Variants in TACC2 observed in about 807,000 individuals in gnomAD.
TACC2 encodes transforming acidic coiled-coil-containing protein 2.
Under a neutral mutation model 227.3 loss-of-function variants are expected in TACC2, and 137 were observed. That is an observed-to-expected ratio of 0.60 (90% CI 0.52 to 0.69). TACC2 has a LOEUF of 0.69. Ranked by LOEUF, TACC2 falls within the 30% of genes least tolerant of loss-of-function variation. The probability of loss-of-function intolerance (pLI) is 0.00; values close to 1 mark genes in which losing one functional copy is unlikely to be tolerated. For missense variants in TACC2, 3,470 were observed against 3,694.4 expected (o/e 0.94, Z 1.57); for synonymous variants, 1,523 against 1,487.5 (o/e 1.02, Z -0.55).
rs200785553 is a variant in TACC2 at position 122,085,906 on chromosome 10, G to A, written c.3406G>A (p.Ala1136Thr). The change falls in exon 4 of 23, where the codon GCT becomes ACT. Residue 1136 changes from alanine to threonine, a missense_variant. Coordinates refer to ENST00000369005, the MANE Select transcript of TACC2 (RefSeq NM_206862.4). ...CGGGGCTGCTGAGACTGGTGGCAGC[G>A]CTGGTGCAGGAGACCCAGGAAAGCA... is the stretch of plus-strand genomic sequence containing the variant. ...EAGAAETGGSAGAGDPGKQQA... is the reference protein window; with the variant it reads ...EAGAAETGGSTGAGDPGKQQA... The A allele has an allele frequency of 1.5e-4, 236 of 1,613,190 alleles. No homozygotes were observed. The highest frequency in any genetic ancestry group is 1.0e-3 in the Admixed American group (60 of 59,944).
In TACC2 at chr10:122,050,784, T is replaced by TA. The variant is rs1228399223; in HGVS notation, c.146+235dup. 1.9e-6 allele frequency: 1 copy of TA among 517,510 alleles called. No homozygotes were observed. Among genetic ancestry groups the TA allele is most frequent in the Admixed American group, 3.5e-5 (1 of 28,774 alleles). 32.1% of individuals were successfully genotyped at this position (517,510 alleles called of 1,614,324 possible). Reference sequence around the variant, plus strand: ...TGCCCAAAGATGAAATTAGTAATTATAGACTTCCATTCCAGCCACACTCCA... The same window carrying TA: ...TGCCCAAAGATGAAATTAGTAATTATAAGACTTCCATTCCAGCCACACTCCA... On this transcript the variant is annotated intron_variant, in intron 3 of 22. Transcript: ENST00000369005. The surrounding 1 kb of genome is among the most constrained non-coding windows in gnomAD (Gnocchi z 4.6).
At chr10:122,228,634 C>A (rs2095673874) in intron 14 of TACC2, among the ~76,000 whole-genome samples, 1 of 152,140 alleles carries the variant, frequency 6.6e-6, no homozygotes, top group Non-Finnish European at 1.5e-5. Context: ...ACCTCCCGCC[C>A]AGCAATCCCC....
rs748323062 is a variant in TACC2, at chr10:122,132,747, C to T, written c.5699+13C>T. On this transcript the variant is annotated intron_variant, in intron 6 of 22. Transcript: ENST00000369005. The stretch of plus-strand genomic sequence containing the variant: ...TGATAGCCCAGAGGTACGGTGGGGG[C>T]CCTGGAGCTGGTGATGAGACCTCAG... The T allele has an allele frequency of 1.2e-6, 2 of 1,613,646 alleles. No individual in the cohort carries two copies. Among genetic ancestry groups the T allele is most frequent in the East Asian group, 2.2e-5 (1 of 44,840 alleles).
At chr10:122,236,164 G>A (rs747845009) in intron 16 of TACC2, among the ~76,000 whole-genome samples, 17 of 152,104 alleles carry the variant, frequency 1.1e-4, no homozygotes, top group South Asian at 2.1e-4. Flanking sequence ...GGTGGTGGAA[G>A]AGACAAATTC....
At chr10:122,185,801 A>T (rs1487521046) in intron 7 of TACC2, among the ~76,000 whole-genome samples, 1 of 152,210 alleles carries the variant, frequency 6.6e-6, no homozygotes, top group African/African-American at 2.4e-5. Flanking sequence ...AATAGGTAGG[A>T]TGTTACTGTA....
At chr10:122,096,695 CAA>C (rs57474527) in intron 5 of TACC2, among the ~76,000 whole-genome samples, 9 of 116,016 alleles carry the variant, frequency 7.8e-5, no homozygotes, top group Admixed American at 9.1e-5. Flanking sequence ...AACTCCGTCT[CAA>C]AAAAAAAAAA....
At chr10:122,010,054 T>C (rs1458011289) in intron 1 of TACC2, among the ~76,000 whole-genome samples, 2 of 152,252 alleles carry the variant, frequency 1.3e-5, no homozygotes, top group Non-Finnish European at 2.9e-5. Flanking sequence ...TGATGTCACA[T>C]GGAAGGCAAA....
At chr10:122,238,983 C>G (rs2095919742) in intron 18 of TACC2, among the ~76,000 whole-genome samples, 1 of 151,984 alleles carries the variant, frequency 6.6e-6, no homozygotes, top group Non-Finnish European at 1.5e-5. Context: ...TACATAAGTG[C>G]AATGGCCGAT....
chr10:122,091,234 C>T (rs1167064535), intron 5 of TACC2, among the ~76,000 whole-genome samples: 1 of 149,070 alleles, frequency 6.7e-6, no homozygotes, highest in Non-Finnish European at 1.5e-5. Context: ...AATACACACC[C>T]AATGTTGAAA....
chr10:122,050,678 G>A lies in TACC2; in HGVS notation c.146+128G>A, dbSNP rs976466852. On this transcript the variant is annotated intron_variant, in intron 3 of 22. Transcript: ENST00000369005. This position sits in a 1 kb window ranked among gnomAD's most constrained non-coding sequence, Gnocchi z 4.6. ...TAGACACATGGTATCGTCCTCAGTG[G>A]TGAGATGTTCCAAGCAGTGGTTCAC... is the stretch of plus-strand genomic sequence containing the variant. 9 of 692,686 alleles carry A rather than the reference G, an allele frequency of 1.3e-5. No homozygotes were observed. The highest frequency in any genetic ancestry group is 4.0e-4 in the Middle Eastern group (1 of 2,474). The allele number at this position is 692,686 out of a possible 1,614,324, so 42.9% of individuals were successfully genotyped here. A position where few individuals can be genotyped will look rare whatever the true frequency, so the allele number is the denominator to read the frequency against.
chr10:122,176,107 C>CTA (rs1293775452), intron 7 of TACC2, among the ~76,000 whole-genome samples: 14 of 70,518 alleles, frequency 2.0e-4, no homozygotes, highest in Middle Eastern at 7.2e-3. Flanking sequence ...CTCTCTCTCT[C>CTA]TCTCTCTCTC....
rs1185554242 is a variant in TACC2 at position 122,180,760 on chromosome 10, G to A, written c.5835-14280G>A. The stretch of plus-strand genomic sequence containing the variant: ...TTTATTTTTTATTTTTTTTGAGACG[G>A]AGTCTCGCTCTGTTGCCGAGGCTGG... On this transcript the variant is annotated intron_variant, in intron 7 of 22. Coordinates refer to ENST00000369005, the MANE Select transcript of TACC2 (RefSeq NM_206862.4). This position sits in a 1 kb window ranked among gnomAD's most constrained non-coding sequence, Gnocchi z 4.5. 6.6e-6 allele frequency among the ~76,000 whole-genome samples: 1 copy of A among 151,898 alleles called. No individual in the cohort carries two copies. The highest frequency in any genetic ancestry group is 1.5e-5 in the Non-Finnish European group (1 of 67,980).
intron 7 of TACC2, among the ~76,000 whole-genome samples, chr10:122,161,880 G>A (rs966717484): frequency 6.6e-6 from 1 of 152,200 alleles, no homozygotes; most frequent in Non-Finnish European, 1.5e-5. Context: ...GCTTCTTTGG[G>A]CCCTCACCTG....
In TACC2 at chr10:121,989,326, C is replaced by T. The variant is rs2901298; in HGVS notation, c.-208C>T. ...CAAGTATACTTTACTTCCTTTCATT[C>T]CTCTCTAAAACTTTTTTAAAAACTT... is the stretch of plus-strand genomic sequence containing the variant. On this transcript the variant is annotated 5_prime_UTR_variant, in exon 1 of 23. Coordinates refer to ENST00000369005, the MANE Select transcript of TACC2 (RefSeq NM_206862.4). 24,938 of 152,264 alleles carry T rather than the reference C, an allele frequency of 0.16. 2,257 individuals are homozygous for T. The highest frequency in any genetic ancestry group is 0.24 in the Admixed American group (3,704 of 15,290). 9.4% of individuals were successfully genotyped at this position (152,264 alleles called of 1,614,324 possible). A position where few individuals can be genotyped will look rare whatever the true frequency, so the allele number is the denominator to read the frequency against.
intron 3 of TACC2, among the ~76,000 whole-genome samples, chr10:122,073,929 G>A (rs900289436): frequency 4.6e-5 from 7 of 151,866 alleles, no homozygotes; most frequent in African/African-American, 1.2e-4. Flanking sequence ...ACAGGCACCC[G>A]CCACCATGCC....
chr10:122,238,890 T>G (rs1472774868), intron 18 of TACC2, among the ~76,000 whole-genome samples: 1 of 152,244 alleles, frequency 6.6e-6, no homozygotes, highest in African/African-American at 2.4e-5. Context: ...GACAAACATT[T>G]AGGATGTTTC....
intron 3 of TACC2, among the ~76,000 whole-genome samples, chr10:122,055,055 A>T (rs937118590): frequency 5.9e-5 from 9 of 152,042 alleles, no homozygotes; most frequent in African/African-American, 2.2e-4. Context: ...CCTCATCTCT[A>T]CTAAAATGCA....
intron 7 of TACC2, among the ~76,000 whole-genome samples, chr10:122,181,575 C>T (rs1463602928): frequency 6.6e-6 from 1 of 152,144 alleles, no homozygotes; most frequent in Non-Finnish European, 1.5e-5. Context: ...TGTTAAGTAA[C>T]CTGTCCAAAG....
chr10:122,193,597 T>C (rs1414749739), intron 7 of TACC2, among the ~76,000 whole-genome samples: 1 of 152,266 alleles, frequency 6.6e-6, no homozygotes, highest in East Asian at 1.9e-4. Flanking sequence ...TCACCAGATT[T>C]GCTTGCTGGG....
Sources: gnomAD v4.1 joint callset for allele counts (sites outside exome capture counted in the v4.1 genomes callset) on GRCh38, gnomAD v4.1.1 for gene constraint, Gnocchi (gnomAD v3.1) non-coding constraint, MANE v1.5 for transcripts, NCBI Gene and HGNC (gene_info 2026-07-23, HGNC 2026-07-21) for gene names.